The following NOX4 variants were observed in gnomAD, a reference collection of about 807,000 sequenced individuals.
NOX4 encodes kidney oxidase-1.
Under a neutral mutation model 87.6 loss-of-function variants are expected in NOX4, and 69 were observed. The observed-to-expected ratio is 0.79, with a 90% CI of 0.65 to 0.96. The LOEUF (loss-of-function observed/expected upper bound fraction) is 0.96. Ranked by LOEUF, NOX4 falls within the 40% of genes least tolerant of loss-of-function variation. NOX4 has a pLI of 0.00. For synonymous variants in NOX4, 275 were observed against 238.2 expected (o/e 1.15, Z -1.42); for missense variants, 680 against 681.5 (o/e 1.00, Z 0.02).
chr11:89,380,902 G>A (rs532174879), intron 11 of NOX4, among the ~76,000 whole-genome samples: 7 of 152,028 alleles, frequency 4.6e-5, no homozygotes, highest in Non-Finnish European at 1.0e-4. Flanking sequence ...TGAAAACATA[G>A]AGCAAAACAA....
At chr11:89,581,558 C>G in the NOX4 span, among the ~76,000 whole-genome samples, 1 of 152,056 alleles carries the variant, frequency 6.6e-6, no homozygotes, top group South Asian at 2.1e-4. Context: ...ATTCTAATAA[C>G]CACTGACTTA....
intron 13 of NOX4, among the ~76,000 whole-genome samples, chr11:89,353,394 G>A (rs760553064): frequency 1.3e-5 from 2 of 152,082 alleles, no homozygotes; most frequent in African/African-American, 2.4e-5. Flanking sequence ...CATCAACATC[G>A]AGGAAAGATC....
the NOX4 span, chr11:89,548,583 A>T: frequency 6.6e-6 from 1 of 152,196 alleles, no homozygotes; most frequent in East Asian, 1.9e-4. Context: ...GTGTACTGGG[A>T]CCCTCAAAAT....
At chr11:89,539,885 ACC>A in the NOX4 span, among the ~76,000 whole-genome samples, 1 of 151,666 alleles carries the variant, frequency 6.6e-6, no homozygotes, top group South Asian at 2.1e-4. Flanking sequence ...ATTTTAATTC[ACC>A]TTAATCTACC....
intron 8 of NOX4, among the ~76,000 whole-genome samples, chr11:89,409,505 C>T (rs1400932071): frequency 6.6e-6 from 1 of 152,082 alleles, no homozygotes; most frequent in Non-Finnish European, 1.5e-5. Flanking sequence ...TATATACATA[C>T]AAGCTATAGA....
chr11:89,329,605 C>T (rs2135360640), intron 17 of NOX4, among the ~76,000 whole-genome samples: 1 of 151,758 alleles, frequency 6.6e-6, no homozygotes, highest in African/African-American at 2.4e-5. Context: ...ACCAAACAGA[C>T]TGGGAGAAAA....
chr11:89,579,460 A>G, the NOX4 span, among the ~76,000 whole-genome samples: 15 of 152,202 alleles, frequency 9.9e-5, no homozygotes, highest in East Asian at 2.9e-3. Context: ...CTATGAACCT[A>G]AAACTGCTTT....
At chr11:89,433,328 C>T (rs1188647817) in intron 6 of NOX4, among the ~76,000 whole-genome samples, 1 of 151,996 alleles carries the variant, frequency 6.6e-6, no homozygotes, top group Non-Finnish European at 1.5e-5. Flanking sequence ...ATCTATTTTA[C>T]AGAATATTCC....
At chr11:89,546,538 C>T in the NOX4 span, 1 of 152,160 alleles carries the variant, frequency 6.6e-6, no homozygotes, top group South Asian at 2.1e-4. Context: ...TTTATATAAA[C>T]TTTTCAGTTT....
the NOX4 span, chr11:89,545,409 C>T: frequency 6.6e-5 from 10 of 151,976 alleles, no homozygotes; most frequent in East Asian, 1.9e-4. Context: ...AAAAATCCTT[C>T]GAAATAACAT....
chr11:89,421,419 T>C (rs925664744), intron 8 of NOX4, among the ~76,000 whole-genome samples: 1 of 152,142 alleles, frequency 6.6e-6, no homozygotes, highest in Non-Finnish European at 1.5e-5. Context: ...TTTTTTTTCC[T>C]TGGTGATTTT....
the NOX4 span, among the ~76,000 whole-genome samples, chr11:89,526,119 C>T: frequency 2.6e-5 from 4 of 152,170 alleles, no homozygotes; most frequent in Non-Finnish European, 5.9e-5. Flanking sequence ...GTCTTGAAAG[C>T]AGCTTGTATA....
chr11:89,496,125 C>T (rs936439062), upstream of NOX4, among the ~76,000 whole-genome samples: 2 of 152,172 alleles, frequency 1.3e-5, no homozygotes, highest in East Asian at 1.9e-4. Context: ...ATTCCCAAGT[C>T]GGGGGACAAG....
intron 2 of NOX4, among the ~76,000 whole-genome samples, chr11:89,454,674 G>A (rs1024336292): frequency 1.1e-4 from 17 of 151,990 alleles, no homozygotes; most frequent in African/African-American, 4.1e-4. Flanking sequence ...AATAGTCTGG[G>A]CATAAATAAA....
At chr11:89,548,267 T>G in the NOX4 span, 4 of 152,152 alleles carry the variant, frequency 2.6e-5, no homozygotes, top group Non-Finnish European at 5.9e-5. Context: ...ATGGAATTAG[T>G]GTCTTTATAG....
At chr11:89,373,686 A>G (rs892478528) in intron 11 of NOX4, among the ~76,000 whole-genome samples, 194 bp from the exon 12 acceptor site, 3 of 152,054 alleles carry the variant, frequency 2.0e-5, no homozygotes, top group Non-Finnish European at 4.4e-5. Flanking sequence ...GACAATCTAC[A>G]TTTCTCTAAA....
intron 12 of NOX4, among the ~76,000 whole-genome samples, chr11:89,356,243 G>C (rs1938037276): frequency 6.6e-6 from 1 of 152,024 alleles, no homozygotes; most frequent in Non-Finnish European, 1.5e-5. Flanking sequence ...GTAAGTAATT[G>C]TTGGTGTTTC....
At chr11:89,358,438 A>G (rs1231509994) in intron 12 of NOX4, among the ~76,000 whole-genome samples, 2 of 150,480 alleles carry the variant, frequency 1.3e-5, no homozygotes, top group African/African-American at 4.8e-5. Context: ...GTTCATATAT[A>G]CATAAACAGA....
At chr11:89,491,767 A>ACACACACACACAC (rs879755481), upstream of NOX4, among the ~76,000 whole-genome samples, 5 of 114,624 alleles carry the variant, frequency 4.4e-5, no homozygotes, top group East Asian at 1.0e-3. Context: ...CACACACACA[A>ACACACACACACAC]GAAGACACAG....
Sources: gnomAD v4.1 joint callset for allele counts (sites outside exome capture counted in the v4.1 genomes callset) on GRCh38, gnomAD v4.1.1 for gene constraint, MANE v1.5 for transcripts, NCBI Gene and HGNC (gene_info 2026-07-23, HGNC 2026-07-21) for gene names.